Variants in RPS19 observed in about 807,000 individuals in gnomAD.
RPS19 encodes the protein ribosomal protein S19, also known as small ribosomal subunit protein eS19.
In RPS19, 1 loss-of-function variant was observed where a neutral mutation model predicts 20.3. That is an observed-to-expected ratio of 0.05 (90% confidence interval 0.02 to 0.23). The LOEUF (loss-of-function observed/expected upper bound fraction) is 0.23, where lower values mean the gene tolerates loss of function less well. Ranked by LOEUF, RPS19 falls within the 10% of genes least tolerant of loss-of-function variation. The pLI, the probability that RPS19 is intolerant of heterozygous loss-of-function variation, is 1.00. For synonymous variants in RPS19, 87 were observed against 74.8 expected (o/e 1.16, Z -0.84); for missense variants, 111 against 192.7 (o/e 0.58, Z 2.51).
rs1555841292 is a variant in RPS19, at chr19:41,869,017, C to T, written c.173-14C>T. 1 of 1,613,340 alleles carries T rather than the reference C, an allele frequency of 6.2e-7. No homozygotes were observed. The highest frequency in any genetic ancestry group is 8.5e-7 in the Non-Finnish European group (1 of 1,179,684). On this transcript the variant is annotated splice_polypyrimidine_tract_variant and intron_variant, in intron 3 of 5. Coordinates refer to ENST00000598742, the MANE Select transcript of RPS19 (RefSeq NM_001022.4). Reference sequence around the variant, plus strand: ...GATCAAGACCCTTAAATCTCCCTCTCACACTACCCCCAGCTTCCACAGCGC... The same window carrying T: ...GATCAAGACCCTTAAATCTCCCTCTTACACTACCCCCAGCTTCCACAGCGC...
chr19:41,870,785 G>A (rs1245498744), intron 5 of RPS19, among the ~76,000 whole-genome samples: 1 of 150,636 alleles, frequency 6.6e-6, no homozygotes, highest in Non-Finnish European at 1.5e-5. Flanking sequence ...ATTGCTGGTG[G>A]TTGGATGTTG....
chr19:41,869,676 G>A, intron 4 of RPS19, 23 bp from the exon 5 acceptor site: 8 of 1,613,238 alleles, frequency 5.0e-6, no homozygotes, highest in Non-Finnish European at 5.9e-6. Flanking sequence ...ACTGGGGCCT[G>A]CATGACCCTT....
intron 3 of RPS19, chr19:41,861,503 A>G (rs2074031938): frequency 2.4e-6 from 1 of 419,318 alleles, no homozygotes; most frequent in East Asian, 5.2e-5. Flanking sequence ...TTCTATATAC[A>G]CGGAGGCAGA....
At position 41,871,961 on chromosome 19, in the gene RPS19, C is replaced by G. The variant is rs1443136802; in HGVS notation, c.*584C>G. 1 of 159,330 alleles carries G rather than the reference C, an allele frequency of 6.3e-6. No homozygotes were observed. Among genetic ancestry groups the G allele is most frequent in the Non-Finnish European group, 1.4e-5 (1 of 72,164 alleles). The allele number at this position is 159,330 out of a possible 1,614,324, so 9.9% of individuals were successfully genotyped here. On this transcript the variant is annotated 3_prime_UTR_variant, in exon 6 of 6. Transcript: ENST00000598742. ...TCCACCGCAAACTGACCTGTGCTGC[C>G]TACACACTAACTTTCCTGGGCCTGG...
At chr19:41,861,678 C>T (rs1261934742) in intron 3 of RPS19, 2 of 229,072 alleles carry the variant, frequency 8.7e-6, no homozygotes, top group Non-Finnish European at 1.8e-5. Flanking sequence ...TAGAACGTGT[C>T]TGTTGCACAG....
chr19:41,861,577 G>C (rs1441756970), intron 3 of RPS19: 3 of 357,082 alleles, frequency 8.4e-6, no homozygotes, highest in Non-Finnish European at 1.6e-5. Flanking sequence ...TGGTTAACCT[G>C]CCTGTGCACT....
At chr19:41,864,998 T>C (rs1482098900) in intron 3 of RPS19, 3 of 152,112 alleles carry the variant, frequency 2.0e-5, no homozygotes, top group Non-Finnish European at 4.4e-5. Context: ...CAGAAAAAAA[T>C]AATTAGCATG....
chr19:41,865,634 G>T (rs1436670862), intron 3 of RPS19, among the ~76,000 whole-genome samples: 1 of 152,140 alleles, frequency 6.6e-6, no homozygotes, highest in Non-Finnish European at 1.5e-5. Context: ...GCTTAGGAGT[G>T]TGTGCCTTAT....
intron 2 of RPS19, 32 bp from the exon 3 acceptor site, chr19:41,861,080 G>C (rs2074025870): frequency 6.5e-7 from 1 of 1,548,896 alleles, no homozygotes; most frequent in Non-Finnish European, 8.9e-7. Context: ...GGAGATGACT[G>C]AATCGTGCTT....
chr19:41,870,849 C>CTTTTTTTTTTTTTTTTTTTTTTTTT (rs35987051), intron 5 of RPS19, among the ~76,000 whole-genome samples: 1 of 43,964 alleles, frequency 2.3e-5, no homozygotes. Flanking sequence ...CACTCCCTTC[C>CTTTTTTTTTTTTTTTTTTTTTTTTT]TTTTTTTTTT....
At chr19:41,862,746 T>G (rs1474079276) in intron 3 of RPS19, among the ~76,000 whole-genome samples, 1 of 152,074 alleles carries the variant, frequency 6.6e-6, no homozygotes, top group African/African-American at 2.4e-5. Flanking sequence ...TGTGGTCCCT[T>G]GCAGCCCACA....
At chr19:41,866,003 C>CA (rs2074084179) in intron 3 of RPS19, among the ~76,000 whole-genome samples, 2 of 149,720 alleles carry the variant, frequency 1.3e-5, no homozygotes, top group East Asian at 2.0e-4. Flanking sequence ...CCTGTAATCC[C>CA]AGCACTTTGG....
intron 1 of RPS19, 176 bp downstream of exon 1, chr19:41,860,465 C>A (rs937421750): frequency 4.7e-6 from 2 of 427,476 alleles, no homozygotes; most frequent in African/African-American, 4.1e-5. Context: ...GTCCGGGAAC[C>A]GAGCGTGGGC....
At chr19:41,866,367 T>C (rs1164815167) in intron 3 of RPS19, among the ~76,000 whole-genome samples, 1 of 152,198 alleles carries the variant, frequency 6.6e-6, no homozygotes, top group Non-Finnish European at 1.5e-5. Flanking sequence ...CACAACCAGC[T>C]ACAGGGCCCA....
At chr19:41,861,584 C>T (rs1239652483) in intron 3 of RPS19, 7 of 354,424 alleles carry the variant, frequency 2.0e-5, no homozygotes, top group Non-Finnish European at 3.3e-5. Flanking sequence ...CCTGCCTGTG[C>T]ACTCTCTCAT....
chr19:41,860,878 G>A, intron 2 of RPS19, 33 bp downstream of exon 2: 4 of 1,583,732 alleles, frequency 2.5e-6, no homozygotes, highest in Non-Finnish European at 3.5e-6. Context: ...AAAACGGGTG[G>A]AGGCTGTCGC....
At chr19:41,866,918 G>A (rs1330655667) in intron 3 of RPS19, among the ~76,000 whole-genome samples, 2 of 152,058 alleles carry the variant, frequency 1.3e-5, no homozygotes, top group African/African-American at 4.8e-5. Context: ...TCTGGAGGCT[G>A]AGGCAGGAGA....
chr19:41,861,965 A>G (rs2074036717), intron 3 of RPS19, among the ~76,000 whole-genome samples: 2 of 152,152 alleles, frequency 1.3e-5, no homozygotes, highest in Non-Finnish European at 2.9e-5. Flanking sequence ...CTTCACTTTC[A>G]GGAAGATGTA....
Position 41,861,115 on chromosome 19 carries a change from C to T in RPS19, c.75C>T (p.Ser25=), listed in dbSNP as rs370343297. Reference sequence around the variant, plus strand: ...TTTCCCACTGTTTTGGTCTTAGGTCCGGGAAGCTGAAAGTCCCCGAATGGG... The same window carrying T: ...TTTCCCACTGTTTTGGTCTTAGGTCTGGGAAGCTGAAAGTCCCCGAATGGG... ...VRALAAFLKK[S]GKLKVPEWVD... The change falls in exon 3 of 6, where the codon TCC becomes TCT. Residue 25 remains serine, a synonymous_variant. Coordinates refer to ENST00000598742, the MANE Select transcript of RPS19 (RefSeq NM_001022.4). The T allele has an allele frequency of 2.5e-6, 4 of 1,613,482 alleles. No individual in the cohort carries two copies. The highest frequency in any genetic ancestry group is 1.3e-5 in the African/African-American group (1 of 74,908).
Sources: allele counts gnomAD v4.1 joint callset (sites outside exome capture counted in the v4.1 genomes callset), GRCh38; gene constraint gnomAD v4.1.1; transcripts MANE v1.5; gene names NCBI Gene and HGNC (gene_info 2026-07-23, HGNC 2026-07-21).